Variants in HPR observed in about 807,000 individuals in gnomAD.
HPR encodes Haptoglobin-related locus.
A neutral mutation model predicts 18.5 loss-of-function variants in HPR; 17 were observed. That is an observed-to-expected ratio of 0.92 (90% CI 0.63 to 1.38). The LOEUF (loss-of-function observed/expected upper bound fraction) is 1.38. HPR is among the 40% of genes most tolerant of loss of function. The pLI is 0.00. For synonymous variants in HPR, 176 were observed against 165.0 expected (o/e 1.07, Z -0.51); for missense variants, 457 against 432.4 (o/e 1.06, Z -0.51).
rs756092392 is a variant in HPR at position 72,076,873 on chromosome 16, C to A, written c.839C>A (p.Thr280Asn). ...GTGCAGCCCATACTGAACGAACACA[C>A]CTTCTGTGTCGGCATGTCTAAGTAC... ...VGVQPILNEH[T>N]FCVGMSKYQE... is the part of the protein sequence containing the mutation. Residue 280 changes from threonine to asparagine, a missense_variant, in exon 5 of 5, where the codon ACC (threonine) becomes AAC (asparagine). Transcript: ENST00000540303. 3.5e-5 allele frequency: 56 copies of A among 1,614,108 alleles called. No individual in the cohort carries two copies. Among genetic ancestry groups the A allele is most frequent in the Non-Finnish European group, 4.5e-5 (53 of 1,180,054 alleles).
intron 1 of HPR, among the ~76,000 whole-genome samples, chr16:72,064,209 T>C (rs2041573669): frequency 6.6e-6 from 1 of 152,208 alleles, no homozygotes; most frequent in Non-Finnish European, 1.5e-5. Context: ...TGAGATACCA[T>C]TTCCTAAAGG....
chr16:72,077,046 C>T lies in HPR; in HGVS notation c.1012C>T (p.Gln338Ter). Residue 338 changes from glutamine to a stop codon, truncating the protein, a stop_gained, in exon 5 of 5, where the codon CAG (glutamine) becomes TAG (stop). Coordinates refer to ENST00000540303, the MANE Select transcript of HPR (RefSeq NM_020995.4). LOFTEE classifies it high-confidence loss of function. ...TGTGTATGTGAAGGTGACTTCCATC[C>T]AGCACTGGGTTCAGAAGACCATAGC... ...YGVYVKVTSIQHWVQKTIAEN is the reference protein window; with the variant it reads ...YGVYVKVTSI 1 of 1,613,826 alleles carries T rather than the reference C, an allele frequency of 6.2e-7. No individual in the cohort carries two copies. Among genetic ancestry groups the T allele is most frequent in the Non-Finnish European group, 8.5e-7 (1 of 1,179,928 alleles).
intron 1 of HPR, among the ~76,000 whole-genome samples, chr16:72,070,759 T>G (rs1056759468): frequency 6.6e-6 from 1 of 152,182 alleles, no homozygotes; most frequent in Admixed American, 6.5e-5. Flanking sequence ...AGCTGTCTCA[T>G]GTAGATAAGT....
intron 1 of HPR, among the ~76,000 whole-genome samples, chr16:72,067,081 G>C (rs2041605814): frequency 6.6e-6 from 1 of 152,130 alleles, no homozygotes; most frequent in South Asian, 2.1e-4. Context: ...TTACAAATGT[G>C]GAAGGACAGC....
Position 72,074,333 on chromosome 16 carries a change from C to T in HPR, c.141C>T (p.His47=). Reference sequence around the variant, plus strand: ...AGATTGCAAATGGCTATGTGGAGCACTTGTTTCGCTACCAGTGTAAGAACT... The same window carrying T: ...AGATTGCAAATGGCTATGTGGAGCATTTGTTTCGCTACCAGTGTAAGAACT... The part of the protein sequence containing the change: ...PPEIANGYVE[H]LFRYQCKNYY... Residue 47 remains histidine, a synonymous_variant, in exon 3 of 5, where the codon CAC becomes CAT. Transcript: ENST00000540303. 1 of 1,614,110 alleles carries T rather than the reference C, an allele frequency of 6.2e-7. No homozygotes were observed. The highest frequency in any genetic ancestry group is 1.7e-4 in the Middle Eastern group (1 of 6,058).
At chr16:72,075,499 G>A (rs1477688906) in intron 4 of HPR, among the ~76,000 whole-genome samples, 2 of 152,242 alleles carry the variant, frequency 1.3e-5, no homozygotes, top group African/African-American at 4.8e-5. Context: ...GAGCCTGCTA[G>A]AGAGCCCTGG....
In HPR at chr16:72,074,359, AC is replaced by A; in HGVS notation, c.168del (p.Tyr57ThrfsTer13). The A allele has an allele frequency of 6.2e-7, 1 of 1,613,694 alleles. No individual in the cohort carries two copies. The highest frequency in any genetic ancestry group is 8.5e-7 in the Non-Finnish European group (1 of 1,179,642). On this transcript the variant is annotated frameshift_variant, in exon 3 of 5. Coordinates refer to ENST00000540303, the MANE Select transcript of HPR (RefSeq NM_020995.4). LOFTEE classifies it high-confidence loss of function. ...EHLFRYQCKNYYRLRTEGDGV... is the reference protein window; with the variant it reads ...EHLFRYQCKNXYRLRTEGDGV... ...TTGTTTCGCTACCAGTGTAAGAACT[AC>A]TACAGACTGCGCACAGAAGGAGATG... is the stretch of plus-strand genomic sequence containing the variant.
intron 1 of HPR, among the ~76,000 whole-genome samples, chr16:72,072,029 A>G (rs2041662353): frequency 6.7e-6 from 1 of 149,514 alleles, no homozygotes; most frequent in African/African-American, 2.5e-5. Flanking sequence ...TTTTTTTTTG[A>G]CGGAGTTTTG....
chr16:72,075,183 A>C lies in HPR; in HGVS notation c.232A>C (p.Lys78Gln). Residue 78 changes from lysine to glutamine, a missense_variant, in exon 4 of 5, where the codon AAG becomes CAG. Physicochemically the swap from Lys to Gln is moderately conservative, Grantham distance 53 (BLOSUM62 1). Transcript: ENST00000540303. ...AAATGATAAGAAGCAGTGGATAAAT[A>C]AGGCTGTTGGAGATAAACTTCCTGA... ...TLNDKKQWINKAVGDKLPECE... is the reference protein window; with the variant it reads ...TLNDKKQWINQAVGDKLPECE... 1 of 1,467,892 alleles carries C rather than the reference A, an allele frequency of 6.8e-7. No individual in the cohort carries two copies. The highest frequency in any genetic ancestry group is 1.2e-5 in the South Asian group (1 of 83,836). 90.9% of individuals were successfully genotyped at this position (1,467,892 alleles called of 1,614,324 possible).
intron 2 of HPR, 67 bp downstream of exon 2, chr16:72,074,044 G>C (rs2041688629): frequency 6.3e-7 from 1 of 1,595,884 alleles, no homozygotes; most frequent in African/African-American, 1.3e-5. Context: ...GACTCTCTCG[G>C]GTCTGCATTC....
intron 1 of HPR, among the ~76,000 whole-genome samples, chr16:72,072,302 C>T (rs1234886172): frequency 2.6e-5 from 4 of 152,166 alleles, no homozygotes; most frequent in Non-Finnish European, 5.9e-5. Context: ...GCCACTGTGC[C>T]CAGCCTATGA....
intron 4 of HPR, 45 bp downstream of exon 4, chr16:72,075,264 A>C: frequency 1.8e-6 from 2 of 1,088,912 alleles, no homozygotes; most frequent in South Asian, 1.5e-5. Flanking sequence ...GCAGGCGTCC[A>C]GCGGGGAACG....
At position 72,077,179 on chromosome 16, in the gene HPR, G is replaced by A; in HGVS notation, c.*98G>A. 7.9e-7 allele frequency: 1 copy of A among 1,270,748 alleles called. No individual in the cohort carries two copies. Among genetic ancestry groups the A allele is most frequent in the Non-Finnish European group, 1.1e-6 (1 of 927,286 alleles). The allele number at this position is 1,270,748 out of a possible 1,614,324, so 78.7% of individuals were successfully genotyped here. On this transcript the variant is annotated 3_prime_UTR_variant, in exon 5 of 5. Coordinates refer to ENST00000540303, the MANE Select transcript of HPR (RefSeq NM_020995.4). ...GACAGGAGTGGATGCGATAAGATGTGGTTTGAAGCTGATGGGTGCCAGCCC... is the reference window on the plus strand; with the variant it reads ...GACAGGAGTGGATGCGATAAGATGTAGTTTGAAGCTGATGGGTGCCAGCCC...
Position 72,076,619 on chromosome 16 carries a change from A to T in HPR, c.585A>T (p.Lys195Asn). 6.2e-7 allele frequency: 1 copy of T among 1,614,160 alleles called. No individual in the cohort carries two copies. The highest frequency in any genetic ancestry group is 8.5e-7 in the Non-Finnish European group (1 of 1,180,026). The change falls in exon 5 of 5, where the codon AAA (lysine) becomes AAT (asparagine). Residue 195 changes from lysine to asparagine, a missense_variant. Lys to Asn is a moderately conservative substitution (Grantham distance 94). Coordinates refer to ENST00000540303, the MANE Select transcript of HPR (RefSeq NM_020995.4). ...TAGATATTGGGCTCATCAAACTCAA[A>T]CAGAAGGTGCTTGTTAATGAGAGAG... ...HQVDIGLIKLKQKVLVNERVM... is the reference protein window; with the variant it reads ...HQVDIGLIKLNQKVLVNERVM...
intron 1 of HPR, among the ~76,000 whole-genome samples, chr16:72,068,575 C>T (rs1259480206): frequency 3.9e-5 from 6 of 152,160 alleles, no homozygotes; most frequent in Non-Finnish European, 8.8e-5. Context: ...AGAAAATACA[C>T]TTCACCTTTT....
rs1169568871 is a variant in HPR, at chr16:72,076,304, A to G, written c.270A>G (p.Val90=). The change falls in exon 5 of 5, where the codon GTA becomes GTG. Residue 90 remains valine (V), a splice_region_variant and synonymous_variant. Coordinates refer to ENST00000540303, the MANE Select transcript of HPR (RefSeq NM_020995.4). ...VGDKLPECEA[V]CGKPKNPANP... is the part of the protein sequence containing the mutation. ...CGAGTGTCTTGCTCTCCTTGACAGT[A>G]TGTGGGAAGCCCAAGAATCCGGCAA... is the stretch of plus-strand genomic sequence containing the variant. 6.2e-7 allele frequency: 1 copy of G among 1,612,912 alleles called. No homozygotes were observed. Among genetic ancestry groups the G allele is most frequent in the East Asian group, 2.2e-5 (1 of 44,836 alleles).
chr16:72,067,836 A>G (rs766882559), intron 1 of HPR, among the ~76,000 whole-genome samples: 5 of 152,164 alleles, frequency 3.3e-5, no homozygotes, highest in Non-Finnish European at 5.9e-5. Context: ...CCATTAACCA[A>G]ACAGTCCAGA....
In HPR at chr16:72,076,746, C is replaced by G. The variant is rs1239658323; in HGVS notation, c.712C>G (p.Leu238Val). ...TGACAACTTTAAACTTACTGACCATCTGAAGTATGTCATGCTGCCTGTGGC... is the reference window on the plus strand; with the variant it reads ...TGACAACTTTAAACTTACTGACCATGTGAAGTATGTCATGCTGCCTGTGGC... ...QSDNFKLTDH[L>V]KYVMLPVADQ... Residue 238 changes from leucine to valine, a missense_variant, in exon 5 of 5, where the codon CTG (leucine) becomes GTG (valine). By Grantham distance (32) the Leu-to-Val change is conservative. Coordinates refer to ENST00000540303, the MANE Select transcript of HPR (RefSeq NM_020995.4). The G allele has an allele frequency of 6.2e-6, 10 of 1,614,118 alleles. No homozygotes were observed. Among genetic ancestry groups the G allele is most frequent in the Non-Finnish European group, 8.5e-6 (10 of 1,180,048 alleles).
At chr16:72,065,783 C>G (rs1385929924) in intron 1 of HPR, among the ~76,000 whole-genome samples, 1 of 152,134 alleles carries the variant, frequency 6.6e-6, no homozygotes, top group African/African-American at 2.4e-5. Flanking sequence ...TTAAAGACAA[C>G]TAGGGAAGAA....
Sources: allele counts gnomAD v4.1 joint callset (sites outside exome capture counted in the v4.1 genomes callset), GRCh38; gene constraint gnomAD v4.1.1; transcripts MANE v1.5; gene names NCBI Gene and HGNC (gene_info 2026-07-23, HGNC 2026-07-21).